Variants in PPP4R3A observed in about 807,000 individuals in gnomAD.
The protein encoded by PPP4R3A is protein phosphatase 4 regulatory subunit 3A.
Under a neutral mutation model 91.7 loss-of-function variants are expected in PPP4R3A, and 15 were observed. That is an observed-to-expected ratio of 0.16 (90% confidence interval 0.11 to 0.25). PPP4R3A has a LOEUF of 0.25. Among genes scored for constraint, PPP4R3A ranks in the 10% least tolerant of loss-of-function variants. The probability of loss-of-function intolerance (pLI) is 1.00; values close to 1 mark genes in which losing one functional copy is unlikely to be tolerated. For synonymous variants in PPP4R3A, 377 were observed against 348.7 expected, an observed-to-expected ratio of 1.08 and a Z score of -0.91; for missense variants, 623 against 998.4, an observed-to-expected ratio of 0.62 and a Z score of 5.07.
intron 1 of PPP4R3A, among the ~76,000 whole-genome samples, chr14:91,504,145 A>AC (rs1007719462): frequency 2.0e-5 from 3 of 148,738 alleles, no homozygotes; most frequent in East Asian, 2.0e-4. Context: ...AGTAAGACCC[A>AC]CCCCCTTCCA....
At chr14:91,460,787 A>AT (rs780478813) in intron 14 of PPP4R3A, among the ~76,000 whole-genome samples, 1 of 151,424 alleles carries the variant, frequency 6.6e-6, no homozygotes, top group East Asian at 1.9e-4. Context: ...CGCCTGGCTA[A>AT]TTTTTGTATT....
chr14:91,510,543 T>C (rs1244800859), upstream of PPP4R3A: 1 of 152,312 alleles, frequency 6.6e-6, no homozygotes, highest in Admixed American at 6.5e-5. Context: ...GTGCGAGCGC[T>C]GGGCGGTGTG....
intron 1 of PPP4R3A, among the ~76,000 whole-genome samples, chr14:91,508,037 T>C (rs1008819014): frequency 1.3e-5 from 2 of 152,172 alleles, no homozygotes; most frequent in African/African-American, 4.8e-5. Context: ...AGTCCATACC[T>C]TCCAACATAC....
Position 91,473,017 on chromosome 14 carries a change from A to C in PPP4R3A, c.1501+16T>G. 6.2e-7 allele frequency: 1 copy of C among 1,607,264 alleles called. No homozygotes were observed. Among genetic ancestry groups the C allele is most frequent in the African/African-American group, 1.3e-5 (1 of 74,622 alleles). On this transcript the variant is annotated intron_variant, in intron 9 of 14. Coordinates refer to ENST00000554943, the MANE Select transcript of PPP4R3A (RefSeq NM_001366432.2). Reference sequence around the variant, plus strand: ...TCAAGAACAGAGAACTTAACTACCAACCTGAATTATCTTACCTTTACTAGG... The same window carrying C: ...TCAAGAACAGAGAACTTAACTACCACCCTGAATTATCTTACCTTTACTAGG...
rs756735458 is a variant in PPP4R3A, at chr14:91,476,398, CA to C, written c.1110+9del. 29 of 1,556,914 alleles carry C rather than the reference CA, an allele frequency of 1.9e-5. No individual in the cohort carries two copies. The highest frequency in any genetic ancestry group is 2.4e-5 in the Non-Finnish European group (28 of 1,145,006). On this transcript the variant is annotated intron_variant, in intron 6 of 14. Coordinates refer to ENST00000554943, the MANE Select transcript of PPP4R3A (RefSeq NM_001366432.2). ...AATGGTAATTAAAAATGAGGAGACACAAAACTTACAAGGATGACTTCTAAAG... is the reference window on the plus strand; with the variant it reads ...AATGGTAATTAAAAATGAGGAGACACAAACTTACAAGGATGACTTCTAAAG...
intron 9 of PPP4R3A, among the ~76,000 whole-genome samples, chr14:91,472,064 C>CAA (rs1567149453): frequency 7.2e-4 from 29 of 40,356 alleles, no homozygotes; most frequent in East Asian, 6.7e-4. Context: ...GATTCTGTCT[C>CAA]CAAAAAAAAA....
At chr14:91,479,369 C>T (rs1312157100) in intron 4 of PPP4R3A, among the ~76,000 whole-genome samples, 1 of 149,708 alleles carries the variant, frequency 6.7e-6, no homozygotes, top group Non-Finnish European at 1.5e-5. Context: ...ACTACACAAA[C>T]TTATTTTTTT....
chr14:91,461,941 CCGTA>C, intron 13 of PPP4R3A, 104 bp downstream of exon 13: 6 of 1,408,204 alleles, frequency 4.3e-6, no homozygotes, highest in Non-Finnish European at 5.5e-6. Flanking sequence ...AGTCTTTAAA[CCGTA>C]TGCCATCACA....
At chr14:91,469,646 G>A (rs577901929) in intron 10 of PPP4R3A, among the ~76,000 whole-genome samples, 20 of 152,266 alleles carry the variant, frequency 1.3e-4, no homozygotes, top group Admixed American at 5.2e-4. Flanking sequence ...TCAGCTCACC[G>A]CGATATCTGC....
intron 1 of PPP4R3A, among the ~76,000 whole-genome samples, chr14:91,501,310 G>A (rs1890935628): frequency 1.3e-5 from 2 of 152,154 alleles, no homozygotes. Context: ...AGAAAGAAGA[G>A]CTACACCCTT....
intron 4 of PPP4R3A, among the ~76,000 whole-genome samples, chr14:91,479,537 TAAAAA>T (rs750797153): frequency 7.7e-5 from 11 of 142,102 alleles, no homozygotes; most frequent in African/African-American, 2.8e-4. Flanking sequence ...CTGGCTAATT[TAAAAA>T]AAAAAAAAAA....
intron 2 of PPP4R3A, among the ~76,000 whole-genome samples, chr14:91,487,472 TG>T: frequency 6.6e-6 from 1 of 152,124 alleles, no homozygotes; most frequent in South Asian, 2.1e-4. Flanking sequence ...TTTTTCAAGC[TG>T]GTACAAAGAG....
chr14:91,462,594 C>T (rs772982626), intron 12 of PPP4R3A, 141 bp downstream of exon 12: 4 of 913,768 alleles, frequency 4.4e-6, no homozygotes, highest in African/African-American at 1.7e-5. Context: ...TTATGTTGAC[C>T]CTTACAGGAA....
chr14:91,477,947 C>A (rs1340108858), intron 4 of PPP4R3A, among the ~76,000 whole-genome samples: 1 of 109,408 alleles, frequency 9.1e-6, no homozygotes, highest in Admixed American at 9.9e-5. Context: ...CCATGCTCGA[C>A]CAAGATTTTA....
In PPP4R3A at chr14:91,475,973, A is replaced by AT. The variant is rs1889179963; in HGVS notation, c.1111-8_1111-7insA. On this transcript the variant is annotated splice_region_variant and splice_polypyrimidine_tract_variant and intron_variant, in intron 6 of 14. Transcript: ENST00000554943. ...CCTGTGTATCATCCATGCCCTGCAG[A>AT]CAAAAAACATTTATTTTTCCTGTAT... 1 of 1,488,082 alleles carries AT rather than the reference A, an allele frequency of 6.7e-7. No individual in the cohort carries two copies. Among genetic ancestry groups the AT allele is most frequent in the Non-Finnish European group, 8.8e-7 (1 of 1,130,672 alleles). The allele number at this position is 1,488,082 out of a possible 1,614,324, so 92.2% of individuals were successfully genotyped here.
At chr14:91,504,309 C>G (rs1171565349) in intron 1 of PPP4R3A, among the ~76,000 whole-genome samples, 2 of 138,882 alleles carry the variant, frequency 1.4e-5, no homozygotes, top group Non-Finnish European at 3.1e-5. Flanking sequence ...GCATGGGCAA[C>G]AGAGCTCTTA....
intron 1 of PPP4R3A, among the ~76,000 whole-genome samples, chr14:91,507,504 T>TA (rs1449152989): frequency 8.1e-5 from 10 of 122,916 alleles, no homozygotes; most frequent in African/African-American, 3.2e-4. Flanking sequence ...ATAGAATATA[T>TA]GCTATAATTA....
At chr14:91,461,679 T>A in intron 13 of PPP4R3A, 72 bp from the exon 14 acceptor site, 1 of 1,417,740 alleles carries the variant, frequency 7.1e-7, no homozygotes, top group Non-Finnish European at 9.7e-7. Context: ...GAGGTAACAC[T>A]AAAACACATT....
At chr14:91,465,464 C>A in intron 10 of PPP4R3A, 45 bp from the exon 11 acceptor site, 1 of 1,487,994 alleles carries the variant, frequency 6.7e-7, no homozygotes, top group Non-Finnish European at 8.9e-7. Context: ...ACCACTCTTC[C>A]ATACTTTAGA....
Sources: gnomAD v4.1 joint callset for allele counts (sites outside exome capture counted in the v4.1 genomes callset) on GRCh38, gnomAD v4.1.1 for gene constraint, MANE v1.5 for transcripts, NCBI Gene and HGNC (gene_info 2026-07-23, HGNC 2026-07-21) for gene names.